Variants in TRPM3 observed in about 807,000 individuals in gnomAD.
TRPM3 encodes transient receptor potential cation channel subfamily M member 3.
TRPM3 carries 77 observed loss-of-function variants against 181.2 expected under a neutral mutation model. That is an observed-to-expected ratio of 0.42 (90% CI 0.35 to 0.51). The LOEUF is 0.51. Ranked by LOEUF, TRPM3 falls within the 20% of genes least tolerant of loss-of-function variation. The probability of loss-of-function intolerance (pLI) is 0.01; values close to 1 mark genes in which losing one functional copy is unlikely to be tolerated. For missense variants in TRPM3, 1,759 were observed against 2,196.7 expected (o/e 0.80, Z 3.98); for synonymous variants, 745 against 796.4 (o/e 0.94, Z 1.09).
At chr9:71,369,847 A>G (rs1193448524) in intron 1 of TRPM3, among the ~76,000 whole-genome samples, 2 of 152,210 alleles carry the variant, frequency 1.3e-5, no homozygotes, top group Non-Finnish European at 2.9e-5. Flanking sequence ...CACAGATTCA[A>G]GATTTTGGCA....
chr9:70,662,612 T>C (rs552027952), intron 9 of TRPM3, among the ~76,000 whole-genome samples: 13 of 152,244 alleles, frequency 8.5e-5, no homozygotes, highest in Admixed American at 2.0e-4. Flanking sequence ...AAAGAAGATA[T>C]ACAAATGGCC....
chr9:70,691,219 G>A lies in TRPM3; in HGVS notation c.1273-9641C>T, dbSNP rs2068441925. ...TTTTGAACAAGTCTCAAAGTTTTAGGTCGAAGTGGGTGACTTAAAAGTGAT... is the reference window on the plus strand; with the variant it reads ...TTTTGAACAAGTCTCAAAGTTTTAGATCGAAGTGGGTGACTTAAAAGTGAT... On this transcript the variant is annotated intron_variant, in intron 8 of 25. Transcript: ENST00000677713. Among the ~76,000 whole-genome samples the A allele has an allele frequency of 2.0e-5, 3 of 152,114 alleles. No individual in the cohort carries two copies. The South Asian group carries it at 6.2e-4, about 32-fold the overall frequency.
intron 1 of TRPM3, among the ~76,000 whole-genome samples, chr9:71,065,703 A>G (rs1418551758): frequency 6.6e-6 from 1 of 152,212 alleles, no homozygotes; most frequent in East Asian, 1.9e-4. Context: ...GAGATTAAGG[A>G]AAGCAAACAA....
intron 22 of TRPM3, among the ~76,000 whole-genome samples, chr9:70,553,779 G>C (rs1304948944): frequency 6.6e-6 from 1 of 152,220 alleles, no homozygotes; most frequent in African/African-American, 2.4e-5. Context: ...ATTAACAACA[G>C]GGCAGCTGTT....
intron 1 of TRPM3, among the ~76,000 whole-genome samples, chr9:70,977,823 A>C (rs1240424268): frequency 1.3e-5 from 2 of 152,232 alleles, no homozygotes; most frequent in African/African-American, 4.8e-5. Flanking sequence ...GTATAGGGCA[A>C]GGTACGTGGG....
At chr9:71,005,404 G>A (rs1349212790) in intron 1 of TRPM3, among the ~76,000 whole-genome samples, 1 of 150,592 alleles carries the variant, frequency 6.6e-6, no homozygotes, top group East Asian at 1.9e-4. Context: ...GAAACTCCAT[G>A]TCAAAAAAAA....
Position 70,843,026 on chromosome 9 carries a change from G to A in TRPM3, c.778C>T (p.Gln260Ter). The A allele has an allele frequency of 6.2e-7, 1 of 1,613,674 alleles. No homozygotes were observed. Among genetic ancestry groups the A allele is most frequent in the Non-Finnish European group, 8.5e-7 (1 of 1,179,858 alleles). Reference protein sequence around the residue: ...GIAPWGIVENQEDLIGRDVVR... With the variant: ...GIAPWGIVEN ...ACATCTCTTCCAATGAGGTCCTCCT[G>A]GTTTTCCACAATTCCCCAGGGGGCA... The change falls in exon 5 of 26, where the codon CAG (glutamine) becomes TAG (stop). Residue 260 changes from glutamine (Q) to a stop codon, truncating the protein, a stop_gained. Transcript: ENST00000677713. LOFTEE classifies it high-confidence loss of function.
chr9:71,242,777 A>T (rs1446634636), intron 1 of TRPM3, among the ~76,000 whole-genome samples: 2 of 151,990 alleles, frequency 1.3e-5, no homozygotes, highest in Non-Finnish European at 2.9e-5. Context: ...ACCTTTCATC[A>T]TCCATTCTCC....
intron 1 of TRPM3, among the ~76,000 whole-genome samples, chr9:71,290,766 C>G (rs1272886886): frequency 1.3e-5 from 2 of 151,990 alleles, no homozygotes; most frequent in Non-Finnish European, 2.9e-5. Context: ...TCCTAAAACC[C>G]TTATATTGTT....
At chr9:71,307,596 G>A (rs547124137) in intron 1 of TRPM3, among the ~76,000 whole-genome samples, 1 of 152,068 alleles carries the variant, frequency 6.6e-6, no homozygotes, top group African/African-American at 2.4e-5. Flanking sequence ...GGGGGAAGAG[G>A]TTATGTGTAT....
At chr9:70,640,747 C>T (rs2057940122) in intron 9 of TRPM3, 87 bp from the exon 10 acceptor site, 1 of 953,320 alleles carries the variant, frequency 1.0e-6, no homozygotes, top group Non-Finnish European at 1.6e-6. Flanking sequence ...CATCCCTCTG[C>T]CATTAATGCC....
intron 6 of TRPM3, chr9:70,793,592 T>G (rs1460395448): frequency 4.3e-6 from 2 of 470,298 alleles, no homozygotes; most frequent in Non-Finnish European, 8.8e-6. Context: ...GAGATTATCA[T>G]GATCAAACAT....
intron 12 of TRPM3, among the ~76,000 whole-genome samples, chr9:70,631,361 CTTT>C (rs11285828): frequency 0.11 from 15,646 of 136,806 alleles, 667 homozygotes; most frequent in East Asian, 0.22. Flanking sequence ...TCTGAAATGC[CTTT>C]TTTTTTTTTT....
intron 1 of TRPM3, among the ~76,000 whole-genome samples, chr9:71,428,048 T>C (rs1000280925): frequency 6.6e-6 from 1 of 152,168 alleles, no homozygotes; most frequent in African/African-American, 2.4e-5. Context: ...TTCACAGGCA[T>C]GGTATAGTCC....
At chr9:71,109,806 C>T (rs2070644782) in intron 1 of TRPM3, among the ~76,000 whole-genome samples, 1 of 152,058 alleles carries the variant, frequency 6.6e-6, no homozygotes. Context: ...TGTGGCTTAA[C>T]CTATTTGGGC....
chr9:70,942,277 A>G (rs147728261), intron 1 of TRPM3, among the ~76,000 whole-genome samples: 37 of 152,346 alleles, frequency 2.4e-4, no homozygotes, highest in African/African-American at 8.2e-4. Flanking sequence ...ATGTACATAC[A>G]CACATACCTG....
chr9:70,821,089 T>C (rs988327765), intron 6 of TRPM3, among the ~76,000 whole-genome samples: 4 of 152,070 alleles, frequency 2.6e-5, no homozygotes, highest in Non-Finnish European at 5.9e-5. Flanking sequence ...AATTTCAGCA[T>C]ACAATAGTGT....
intron 1 of TRPM3, among the ~76,000 whole-genome samples, chr9:71,186,444 C>G (rs946402003): frequency 1.3e-5 from 2 of 152,050 alleles, no homozygotes; most frequent in Non-Finnish European, 2.9e-5. Context: ...AATTCATGCT[C>G]TCTCTGCTCT....
At chr9:71,038,046 T>C (rs2058414715) in intron 1 of TRPM3, among the ~76,000 whole-genome samples, 1 of 152,254 alleles carries the variant, frequency 6.6e-6, no homozygotes, top group East Asian at 1.9e-4. Context: ...TTGATTTTAA[T>C]GAACCTACTG....
Sources: allele counts gnomAD v4.1 joint callset (sites outside exome capture counted in the v4.1 genomes callset), GRCh38; gene constraint gnomAD v4.1.1; transcripts MANE v1.5; gene names NCBI Gene and HGNC (gene_info 2026-07-23, HGNC 2026-07-21).